Variants in R3HDM1 observed in about 807,000 individuals in gnomAD.
R3HDM1 encodes the protein R3H domain-containing protein 1.
In R3HDM1, 46 loss-of-function variants were observed where a neutral mutation model predicts 141.1. The observed-to-expected ratio is 0.33, with a 90% CI of 0.26 to 0.42. The LOEUF (loss-of-function observed/expected upper bound fraction) is 0.42. Among genes scored for constraint, R3HDM1 ranks in the 10% least tolerant of loss-of-function variants. The pLI, the probability that R3HDM1 is intolerant of heterozygous loss-of-function variation, is 1.00. For synonymous variants in R3HDM1, 435 were observed against 472.9 expected, an observed-to-expected ratio of 0.92 and a Z score of 1.04; for missense variants, 1,184 against 1,368.3, an observed-to-expected ratio of 0.87 and a Z score of 2.12.
At chr2:135,687,081 G>A (rs547028442) in intron 21 of R3HDM1, among the ~76,000 whole-genome samples, 1 of 152,222 alleles carries the variant, frequency 6.6e-6, no homozygotes, top group East Asian at 1.9e-4. Context: ...GGTAGTCTCA[G>A]CTACTCAGGA....
At chr2:135,574,727 C>T (rs1704976378) in intron 1 of R3HDM1, among the ~76,000 whole-genome samples, 1 of 152,108 alleles carries the variant, frequency 6.6e-6, no homozygotes, top group Non-Finnish European at 1.5e-5. Flanking sequence ...CTCAGTGTCT[C>T]CATAGGTGCT....
intron 18 of R3HDM1, among the ~76,000 whole-genome samples, chr2:135,659,357 C>T (rs1559367724): frequency 2.0e-5 from 3 of 151,984 alleles, no homozygotes; most frequent in Admixed American, 2.0e-4. Context: ...TGAGCCTCCC[C>T]AGAGTGCTAG....
At position 135,537,811 on chromosome 2, in the gene R3HDM1, C is replaced by T. The variant is rs187698583; in HGVS notation, c.-250+6178C>T. The stretch of plus-strand genomic sequence containing the variant: ...AGCTAGGATTACAGGCATGAGCCAC[C>T]GCACCCAGTGGGTTCTCATTTTAAA... On this transcript the variant is annotated intron_variant, in intron 1 of 26. Transcript: ENST00000683871. 2.8e-3 allele frequency among the ~76,000 whole-genome samples: 425 copies of T among 152,056 alleles called. 2 individuals are homozygous for T. The highest frequency in any genetic ancestry group is 3.9e-3 in the Non-Finnish European group (264 of 67,968).
At chr2:135,641,870 T>G (rs1005566069) in intron 15 of R3HDM1, 80 bp downstream of exon 15, 7 of 1,389,178 alleles carry the variant, frequency 5.0e-6, no homozygotes, top group Non-Finnish European at 6.7e-6. Context: ...TGAATATGTG[T>G]AGTCAGCTTT....
At chr2:135,582,757 A>G (rs1285465839) in intron 1 of R3HDM1, among the ~76,000 whole-genome samples, 1 of 152,218 alleles carries the variant, frequency 6.6e-6, no homozygotes, top group Non-Finnish European at 1.5e-5. Context: ...AGAATGTTGT[A>G]TATTTGCTAA....
intron 1 of R3HDM1, chr2:135,586,403 C>CA (rs1268200463): frequency 6.5e-6 from 1 of 152,828 alleles, no homozygotes; most frequent in Non-Finnish European, 1.5e-5. Flanking sequence ...TGGATGTGTG[C>CA]AGTGAGCTCT....
chr2:135,591,884 A>G (rs1317356152), intron 1 of R3HDM1, among the ~76,000 whole-genome samples: 1 of 152,190 alleles, frequency 6.6e-6, no homozygotes, highest in African/African-American at 2.4e-5. Context: ...CCCAAATGCA[A>G]AGCTTTTGTT....
At chr2:135,631,201 G>T (rs575490918) in intron 7 of R3HDM1, among the ~76,000 whole-genome samples, 1 of 152,122 alleles carries the variant, frequency 6.6e-6, no homozygotes, top group Non-Finnish European at 1.5e-5. Flanking sequence ...ATGTTCTTTA[G>T]AATACTGTTT....
chr2:135,556,961 T>A (rs1175215482), intron 1 of R3HDM1, among the ~76,000 whole-genome samples: 1 of 152,244 alleles, frequency 6.6e-6, no homozygotes, highest in East Asian at 1.9e-4. Flanking sequence ...CATCCTTTTT[T>A]TTTAAACCCA....
chr2:135,706,841 A>G (rs2074991041), intron 21 of R3HDM1, among the ~76,000 whole-genome samples: 1 of 152,070 alleles, frequency 6.6e-6, no homozygotes, highest in African/African-American at 2.4e-5. Context: ...CCCCTTTTCT[A>G]TTCCACAAAA....
At chr2:135,682,658 AAGAT>A (rs973122578) in intron 21 of R3HDM1, among the ~76,000 whole-genome samples, 6 of 152,248 alleles carry the variant, frequency 3.9e-5, no homozygotes, top group Non-Finnish European at 8.8e-5. Context: ...CAGAAATTAA[AAGAT>A]AGATGAGATT....
At chr2:135,604,767 TA>T in intron 2 of R3HDM1, 38 bp from the exon 3 acceptor site, 1 of 1,472,158 alleles carries the variant, frequency 6.8e-7, no homozygotes, top group Non-Finnish European at 9.4e-7. Flanking sequence ...TAACTGAATG[TA>T]AAAAAGTTTC....
chr2:135,531,545 T>C lies in R3HDM1; in HGVS notation c.-338T>C. On this transcript the variant is annotated 5_prime_UTR_variant, in exon 1 of 27. Transcript: ENST00000683871. ...CGGGCTGGTGATGGGGTTAATTCCC[T>C]TTCGTAAGACTCTTACTTGCACCCA... 1 of 985,708 alleles carries C rather than the reference T, an allele frequency of 1.0e-6. No individual in the cohort carries two copies. The highest frequency in any genetic ancestry group is 1.2e-6 in the Non-Finnish European group (1 of 829,954). The allele number at this position is 985,708 out of a possible 1,614,324, so 61.1% of individuals were successfully genotyped here.
chr2:135,651,698 G>C, intron 17 of R3HDM1, 32 bp from the exon 18 acceptor site: 4 of 1,573,792 alleles, frequency 2.5e-6, no homozygotes, highest in Non-Finnish European at 3.5e-6. Flanking sequence ...TGTGTAGAAG[G>C]CTTACTAATT....
At chr2:135,704,187 C>T (rs1250027986) in intron 21 of R3HDM1, among the ~76,000 whole-genome samples, 3 of 152,138 alleles carry the variant, frequency 2.0e-5, no homozygotes, top group South Asian at 2.1e-4. Context: ...ACCATGCTGA[C>T]CAGGCTGGTC....
intron 20 of R3HDM1, 118 bp downstream of exon 20, chr2:135,675,604 C>A: frequency 9.3e-7 from 1 of 1,071,534 alleles, no homozygotes; most frequent in Non-Finnish European, 1.3e-6. Context: ...CTGTAATATA[C>A]AACCTTTTAA....
At chr2:135,645,311 G>C (rs1239826315) in intron 15 of R3HDM1, 68 bp from the exon 16 acceptor site, 20 of 1,316,502 alleles carry the variant, frequency 1.5e-5, no homozygotes, top group Non-Finnish European at 2.1e-5. Flanking sequence ...TTTGTAAATT[G>C]TTAGTAAAAG....
intron 20 of R3HDM1, among the ~76,000 whole-genome samples, chr2:135,677,442 T>G (rs2105346883): frequency 1.3e-5 from 2 of 152,274 alleles, no homozygotes; most frequent in African/African-American, 4.8e-5. Flanking sequence ...TCTCAAAGAC[T>G]CTGGTTCTAC....
chr2:135,682,389 T>G (rs1429451043), intron 21 of R3HDM1, among the ~76,000 whole-genome samples: 2 of 152,086 alleles, frequency 1.3e-5, no homozygotes, highest in Non-Finnish European at 2.9e-5. Flanking sequence ...GTCAGTCCCT[T>G]GAAACAAAAA....
Sources: gnomAD v4.1 joint callset for allele counts (sites outside exome capture counted in the v4.1 genomes callset) on GRCh38, gnomAD v4.1.1 for gene constraint, MANE v1.5 for transcripts, NCBI Gene and HGNC (gene_info 2026-07-23, HGNC 2026-07-21) for gene names.